Variants in EDA observed in about 807,000 individuals in gnomAD.
EDA encodes the protein ectodysplasin-A.
EDA carries 2 observed loss-of-function variants against 23.6 expected under a neutral mutation model. The observed-to-expected ratio is 0.08, with a 90% CI of 0.03 to 0.27. EDA has a LOEUF of 0.27. Among genes scored for constraint, EDA ranks in the 10% least tolerant of loss-of-function variants. EDA has a pLI of 1.00. For missense variants in EDA, 229 were observed against 324.2 expected (o/e 0.71, Z 2.26); for synonymous variants, 131 against 132.0 (o/e 0.99, Z 0.05).
intron 2 of EDA, among the ~76,000 whole-genome samples, chrX:69,994,323 C>T (rs189932964): frequency 2.1e-3 from 236 of 111,884 alleles, no homozygotes; most frequent in African/African-American, 6.9e-3. Flanking sequence ...GCAAATTTAC[C>T]TTGTAAAATA....
chrX:69,761,752 A>G (rs1164486856), intron 1 of EDA, among the ~76,000 whole-genome samples: 1 of 111,970 alleles, frequency 8.9e-6, no homozygotes, highest in African/African-American at 3.2e-5. Context: ...TTAAAATTTA[A>G]TATCTGCTTT....
chrX:69,667,344 A>C (rs1419351950), intron 1 of EDA, among the ~76,000 whole-genome samples: 1 of 109,139 alleles, frequency 9.2e-6, no homozygotes, highest in Non-Finnish European at 1.9e-5. Flanking sequence ...CGATCTCCTG[A>C]TCTCGTGATC....
chrX:69,856,456 G>T (rs909804978), intron 1 of EDA, among the ~76,000 whole-genome samples: 3 of 110,304 alleles, frequency 2.7e-5, no homozygotes, highest in African/African-American at 9.9e-5. Context: ...TTCCATAAAG[G>T]TTATACTAAT....
chrX:70,016,045 G>GAAAAAAA (rs369409357), intron 2 of EDA, among the ~76,000 whole-genome samples: 2 of 87,198 alleles, frequency 2.3e-5, no homozygotes, highest in African/African-American at 8.5e-5. Flanking sequence ...AATGGAGAAA[G>GAAAAAAA]AAAAAAAAAA....
chrX:69,650,683 T>A (rs1309378175), intron 1 of EDA, among the ~76,000 whole-genome samples: 2 of 111,948 alleles, frequency 1.8e-5, no homozygotes, highest in Non-Finnish European at 3.8e-5. Flanking sequence ...ATATCACATG[T>A]ACTCCAAAAA....
chrX:69,674,456 A>G (rs2147271342), intron 1 of EDA, among the ~76,000 whole-genome samples: 1 of 112,531 alleles, frequency 8.9e-6, no homozygotes, highest in East Asian at 2.8e-4. Flanking sequence ...AATAGATCAT[A>G]AATCACTACT....
chrX:69,787,707 C>G (rs2015243894), intron 1 of EDA, among the ~76,000 whole-genome samples: 1 of 111,383 alleles, frequency 9.0e-6, no homozygotes, highest in Non-Finnish European at 1.9e-5. Flanking sequence ...TGACCTTTCT[C>G]TCTGGCTGCC....
At chrX:69,956,879 G>A in intron 1 of EDA, 148 bp from the exon 2 acceptor site, 1 of 503,454 alleles carries the variant, frequency 2.0e-6, no homozygotes, top group Non-Finnish European at 3.5e-6. Flanking sequence ...AAAATAAAAT[G>A]GTTTGTACAG....
intron 1 of EDA, among the ~76,000 whole-genome samples, chrX:69,788,014 C>T (rs758548898): frequency 1.8e-5 from 2 of 111,228 alleles, no homozygotes; most frequent in South Asian, 7.7e-4. Flanking sequence ...TTTCTCTATA[C>T]TTCCCTTCTC....
At chrX:69,787,027 T>A (rs1295565408) in intron 1 of EDA, among the ~76,000 whole-genome samples, 1 of 102,797 alleles carries the variant, frequency 9.7e-6, no homozygotes, top group Non-Finnish European at 2.0e-5. Context: ...GTTGAATTGA[T>A]CCCTTGACCA....
At chrX:69,872,129 T>C (rs760439618) in intron 1 of EDA, among the ~76,000 whole-genome samples, 2 of 111,960 alleles carry the variant, frequency 1.8e-5, no homozygotes, top group South Asian at 3.7e-4. Context: ...CAATGAAGAA[T>C]TTTGTATCTA....
At chrX:69,776,742 G>A (rs2014797786) in intron 1 of EDA, among the ~76,000 whole-genome samples, 1 of 110,923 alleles carries the variant, frequency 9.0e-6, no homozygotes, top group African/African-American at 3.3e-5. Flanking sequence ...TTTATTCTGA[G>A]CTTTAAGCAA....
At position 70,027,892 on chromosome X, in the gene EDA, C is replaced by T. The variant is rs1479962270; in HGVS notation, c.562C>T (p.Pro188Ser). ...KAGPPGPNGP[P>S]GPPGPPGPQG... ...AGGACCTCCTGGACCCAATGGCCCT[C>T]CAGGACCCCCAGGACCTCCAGGACC... Residue 188 changes from proline (P) to serine (S), a missense_variant, in exon 4 of 8, where the codon CCA becomes TCA. Transcript: ENST00000374552. 8.3e-6 allele frequency: 9 copies of T among 1,088,433 alleles called. No individual in the cohort carries two copies. Among genetic ancestry groups the T allele is most frequent in the Non-Finnish European group, 1.1e-5 (9 of 798,679 alleles). 89.7% of individuals were successfully genotyped at this position (1,088,433 alleles called of 1,213,427 possible).
At chrX:69,828,360 G>A (rs1602455934) in intron 1 of EDA, among the ~76,000 whole-genome samples, 1 of 112,355 alleles carries the variant, frequency 8.9e-6, no homozygotes, top group East Asian at 2.8e-4. Context: ...AGACTCCGTG[G>A]GCGTAGGACC....
intron 3 of EDA, among the ~76,000 whole-genome samples, 160 bp downstream of exon 3, chrX:70,023,401 A>G (rs2020063974): frequency 1.8e-5 from 2 of 109,528 alleles, no homozygotes; most frequent in Non-Finnish European, 3.8e-5. Flanking sequence ...TAGTTTCTGA[A>G]GAACAAGAAA....
At chrX:69,787,786 C>T (rs1475287416) in intron 1 of EDA, among the ~76,000 whole-genome samples, 2 of 110,168 alleles carry the variant, frequency 1.8e-5, no homozygotes, top group Non-Finnish European at 3.8e-5. Flanking sequence ...TTGCTCTTCT[C>T]AAGGAGTATC....
chrX:69,880,924 C>T (rs1333377240), intron 1 of EDA, among the ~76,000 whole-genome samples: 1 of 112,095 alleles, frequency 8.9e-6, no homozygotes, highest in African/African-American at 3.2e-5. Flanking sequence ...TTGCCATTAC[C>T]TAGTGGTTAA....
intron 1 of EDA, among the ~76,000 whole-genome samples, chrX:69,836,564 G>A (rs2016780371): frequency 8.9e-6 from 1 of 112,597 alleles, no homozygotes; most frequent in Non-Finnish European, 1.9e-5. Flanking sequence ...GAATCTTCTT[G>A]TCTGCCAGTT....
chrX:69,805,571 C>T (rs2015795365), intron 1 of EDA, among the ~76,000 whole-genome samples: 1 of 111,466 alleles, frequency 9.0e-6, no homozygotes, highest in Admixed American at 9.5e-5. Flanking sequence ...AAACAAGTTT[C>T]ACTTTTTCCC....
Sources: gnomAD v4.1 joint callset for allele counts (sites outside exome capture counted in the v4.1 genomes callset) on GRCh38, gnomAD v4.1.1 for gene constraint, MANE v1.5 for transcripts, NCBI Gene and HGNC (gene_info 2026-07-23, HGNC 2026-07-21) for gene names.